Variants in BMAL1 observed in about 807,000 individuals in gnomAD.
BMAL1 encodes basic helix-loop-helix ARNT-like protein 1.
the BMAL1 span, among the ~76,000 whole-genome samples, chr11:13,287,147 G>A: frequency 6.6e-6 from 1 of 152,166 alleles, no homozygotes; most frequent in Non-Finnish European, 1.5e-5. Context: ...TTTGCCATTT[G>A]AGAGGTTTGA....
the BMAL1 span, chr11:13,366,802 C>T: frequency 7.5e-6 from 12 of 1,601,052 alleles, no homozygotes; most frequent in Admixed American, 5.0e-5. Flanking sequence ...AGAGAGGCCT[C>T]GCATTTCCTC....
chr11:13,350,135 G>A, the BMAL1 span: 3 of 152,322 alleles, frequency 2.0e-5, no homozygotes, highest in East Asian at 1.9e-4. Context: ...TTGCATGGCA[G>A]TTCTTCCTTT....
At chr11:13,351,690 G>A in the BMAL1 span, among the ~76,000 whole-genome samples, 20 of 152,294 alleles carry the variant, frequency 1.3e-4, no homozygotes, top group South Asian at 3.7e-3. Flanking sequence ...AAGGAGTCCC[G>A]TGAGAAGGGG....
At chr11:13,280,066 C>T in the BMAL1 span, among the ~76,000 whole-genome samples, 1 of 152,198 alleles carries the variant, frequency 6.6e-6, no homozygotes, top group Non-Finnish European at 1.5e-5. Context: ...TCAAAGGTTC[C>T]TCTCTTTTGA....
chr11:13,351,460 G>A, the BMAL1 span, among the ~76,000 whole-genome samples: 1 of 152,110 alleles, frequency 6.6e-6, no homozygotes, highest in South Asian at 2.1e-4. Context: ...GGAGGTGGTC[G>A]GCCATAAATA....
At chr11:13,379,340 G>A in the BMAL1 span, 2 of 152,266 alleles carry the variant, frequency 1.3e-5, no homozygotes, top group East Asian at 1.9e-4. Flanking sequence ...CACTGCTGCC[G>A]CTGGATTCTC....
the BMAL1 span, among the ~76,000 whole-genome samples, chr11:13,363,176 A>G: frequency 1.4e-5 from 2 of 143,320 alleles, no homozygotes; most frequent in Non-Finnish European, 3.0e-5. Context: ...ATGTAAAATA[A>G]TTATCAAGCA....
At chr11:13,284,254 ATATATATATATATTTT>A in the BMAL1 span, among the ~76,000 whole-genome samples, 14 of 25,696 alleles carry the variant, frequency 5.4e-4, 1 homozygote, top group African/African-American at 2.3e-3. Context: ...ATATATATAT[ATATATATATATATTTT>A]TTTTTTTAAT....
chr11:13,291,861 C>T, the BMAL1 span, among the ~76,000 whole-genome samples: 1 of 123,750 alleles, frequency 8.1e-6, no homozygotes, highest in African/African-American at 2.9e-5. Context: ...ATTGGTCCAA[C>T]AGCTTTAAAA....
chr11:13,357,200 G>T, the BMAL1 span: 1 of 1,510,600 alleles, frequency 6.6e-7, no homozygotes, highest in East Asian at 2.3e-5. The surrounding 1 kb of genome is among the most constrained non-coding windows in gnomAD (Gnocchi z 4.8). Flanking sequence ...AGTTCTGTTG[G>T]GCACTGTCAC....
chr11:13,279,911 G>A, the BMAL1 span, among the ~76,000 whole-genome samples: 2 of 152,320 alleles, frequency 1.3e-5, no homozygotes, highest in African/African-American at 4.8e-5. Context: ...TGGTAGAAAA[G>A]CACTAACCTG....
the BMAL1 span, among the ~76,000 whole-genome samples, chr11:13,290,559 A>ATGTTATTGTTATTATTAT: frequency 1.1e-4 from 16 of 149,056 alleles, no homozygotes; most frequent in Admixed American, 2.7e-4. Flanking sequence ...ACAAGTGTAT[A>ATGTTATTGTTATTATTAT]TATTATTATT....
At chr11:13,357,892 T>A in the BMAL1 span, among the ~76,000 whole-genome samples, 2 of 152,162 alleles carry the variant, frequency 1.3e-5, no homozygotes, top group African/African-American at 4.8e-5. The surrounding 1 kb of genome is among the most constrained non-coding windows in gnomAD (Gnocchi z 4.8). Flanking sequence ...AGATGTAGCA[T>A]CTGCTGCACC....
chr11:13,283,619 C>T, the BMAL1 span, among the ~76,000 whole-genome samples: 1 of 152,190 alleles, frequency 6.6e-6, no homozygotes, highest in African/African-American at 2.4e-5. Context: ...ATATCCCTTA[C>T]CTCACTCAGC....
At chr11:13,319,764 C>A in the BMAL1 span, among the ~76,000 whole-genome samples, 3 of 152,190 alleles carry the variant, frequency 2.0e-5, no homozygotes, top group South Asian at 6.2e-4. Flanking sequence ...GCTTCCTTTT[C>A]CACAGCTCTG....
At chr11:13,298,788 A>G in the BMAL1 span, among the ~76,000 whole-genome samples, 1 of 152,170 alleles carries the variant, frequency 6.6e-6, no homozygotes. Flanking sequence ...GCTTTCTCTG[A>G]GCCTTTCTGC....
At chr11:13,320,825 C>G in the BMAL1 span, among the ~76,000 whole-genome samples, 1 of 151,920 alleles carries the variant, frequency 6.6e-6, no homozygotes, top group Non-Finnish European at 1.5e-5. Flanking sequence ...GCCTAACAAG[C>G]AAATAGTGTG....
At chr11:13,343,766 C>T in the BMAL1 span, among the ~76,000 whole-genome samples, 3 of 152,176 alleles carry the variant, frequency 2.0e-5, no homozygotes, top group African/African-American at 7.2e-5. Context: ...TCTACCAACC[C>T]TCAGTAGCTG....
the BMAL1 span, among the ~76,000 whole-genome samples, chr11:13,326,977 G>GCC: frequency 6.6e-6 from 1 of 151,838 alleles, no homozygotes; most frequent in African/African-American, 2.4e-5. Context: ...CCGCCACCAC[G>GCC]CCCGGCTAAT....
Sources: allele counts gnomAD v4.1 joint callset (sites outside exome capture counted in the v4.1 genomes callset), GRCh38; gene constraint gnomAD v4.1.1; non-coding constraint Gnocchi (gnomAD v3.1); transcripts MANE v1.5; gene names NCBI Gene and HGNC (gene_info 2026-07-23, HGNC 2026-07-21).